Variants in ADAMTS2 observed in about 807,000 individuals in gnomAD.
The protein encoded by ADAMTS2 is A disintegrin and metalloproteinase with thrombospondin motifs 2.
In ADAMTS2, 50 loss-of-function variants were observed where a neutral mutation model predicts 123.0. The observed-to-expected ratio is 0.41, with a 90% CI of 0.32 to 0.51. The LOEUF (loss-of-function observed/expected upper bound fraction) is 0.51, where lower values mean the gene tolerates loss of function less well. Among genes scored for constraint, ADAMTS2 ranks in the 20% least tolerant of loss-of-function variants. The pLI, the probability that ADAMTS2 is intolerant of heterozygous loss-of-function variation, is 0.35. For synonymous variants in ADAMTS2, 678 were observed against 695.4 expected, an observed-to-expected ratio of 0.98 and a Z score of 0.39; for missense variants, 1,494 against 1,705.2, an observed-to-expected ratio of 0.88 and a Z score of 2.18.
intron 3 of ADAMTS2, among the ~76,000 whole-genome samples, chr5:179,246,219 A>C (rs1765799394): frequency 6.6e-6 from 1 of 152,174 alleles, no homozygotes; most frequent in Non-Finnish European, 1.5e-5. Flanking sequence ...CAAGGAGCTC[A>C]ATGACTCCCA....
chr5:179,223,357 C>G (rs1169878316), intron 3 of ADAMTS2, among the ~76,000 whole-genome samples: 1 of 124,510 alleles, frequency 8.0e-6, no homozygotes, highest in East Asian at 2.0e-4. Context: ...CACGAATGCA[C>G]TCAGACACTC....
intron 2 of ADAMTS2, among the ~76,000 whole-genome samples, chr5:179,329,803 G>T (rs1273562585): frequency 6.6e-6 from 1 of 152,206 alleles, no homozygotes; most frequent in East Asian, 1.9e-4. Context: ...GAGGAGGAAA[G>T]TTGGGGGCCG....
chr5:179,203,331 G>A lies in ADAMTS2; in HGVS notation c.891+4182C>T, dbSNP rs114665744. Among the ~76,000 whole-genome samples the A allele has an allele frequency of 4.0e-3, 605 of 152,324 alleles. 2 individuals are homozygous for A. Among genetic ancestry groups the A allele is most frequent in the African/African-American group, 0.013 (546 of 41,574 alleles). On this transcript the variant is annotated intron_variant, in intron 4 of 21. Transcript: ENST00000251582. ...CCAGACCCCGGGCTCTGGATGTGCC[G>A]TTGCCCAGCCCCACCTGCTCTACAG...
In ADAMTS2 at chr5:179,343,962, G is replaced by A. The variant is rs143877087; in HGVS notation, c.339C>T (p.Val113=). 2.9e-5 allele frequency: 47 copies of A among 1,612,240 alleles called. No homozygotes were observed. Among genetic ancestry groups the A allele is most frequent in the Non-Finnish European group, 3.4e-5 (40 of 1,179,776 alleles). ...EEPGSHLFYN[V]TVFGRDLHLR... ...GGTGCAGGTCTCGGCCAAAGACCGT[G>A]ACATTGTAGAAGAGGTGACTGCCAG... Residue 113 remains valine, a synonymous_variant, in exon 2 of 22, where the codon GTC becomes GTT. Coordinates refer to ENST00000251582, the MANE Select transcript of ADAMTS2 (RefSeq NM_014244.5).
In ADAMTS2 at chr5:179,250,650, C is replaced by T. The variant is rs73333211; in HGVS notation, c.688+22261G>A. The stretch of plus-strand genomic sequence containing the variant: ...GCCCCAGGCAACCCTCTGTGGGTGA[C>T]GCAGCATTACCTGCTTTCTGGCTGT... On this transcript the variant is annotated intron_variant, in intron 3 of 21. Coordinates refer to ENST00000251582, the MANE Select transcript of ADAMTS2 (RefSeq NM_014244.5). Among the ~76,000 whole-genome samples, 459 of 152,340 alleles carry T rather than the reference C, an allele frequency of 3.0e-3. 2 individuals are homozygous for T. The highest frequency in any genetic ancestry group is 0.011 in the African/African-American group (440 of 41,570).
chr5:179,125,264 G>T, intron 18 of ADAMTS2, 84 bp from the exon 19 acceptor site: 2 of 1,312,498 alleles, frequency 1.5e-6, no homozygotes, highest in Non-Finnish European at 2.2e-6. Context: ...GCTCCCTGCA[G>T]CCCAGGTAGA....
chr5:179,207,323 G>A (rs1764721127), intron 4 of ADAMTS2, among the ~76,000 whole-genome samples, 190 bp downstream of exon 4: 1 of 152,130 alleles, frequency 6.6e-6, no homozygotes, highest in Non-Finnish European at 1.5e-5. Context: ...CGAGAGAACT[G>A]AGGTCAGGGA....
rs1762907013 is a variant in ADAMTS2, at chr5:179,128,831, G to T, written c.2458-713C>A. Reference sequence around the variant, plus strand: ...TGTATTTTCTTCTTAAGACACCACTGCTTCCTGGGCTTAGGAACACTGGAC... The same window carrying T: ...TGTATTTTCTTCTTAAGACACCACTTCTTCCTGGGCTTAGGAACACTGGAC... On this transcript the variant is annotated intron_variant, in intron 16 of 21. Transcript: ENST00000251582. This position sits in a 1 kb window ranked among gnomAD's most constrained non-coding sequence, Gnocchi z 4.9. Among the ~76,000 whole-genome samples, 1 of 152,160 alleles carries T rather than the reference G, an allele frequency of 6.6e-6. No homozygotes were observed. The highest frequency in any genetic ancestry group is 6.5e-5 in the Admixed American group (1 of 15,274).
At chr5:179,306,830 A>G (rs1281129684) in intron 2 of ADAMTS2, among the ~76,000 whole-genome samples, 1 of 152,210 alleles carries the variant, frequency 6.6e-6, no homozygotes, top group Non-Finnish European at 1.5e-5. Flanking sequence ...AAGGACACCC[A>G]GGAAGGAAGC....
chr5:179,167,417 A>G (rs1169405266), intron 5 of ADAMTS2, among the ~76,000 whole-genome samples: 1 of 152,144 alleles, frequency 6.6e-6, no homozygotes, highest in Non-Finnish European at 1.5e-5. Flanking sequence ...TACATCAATT[A>G]TGACCTGAGC....
Position 179,343,959 on chromosome 5 carries a change from C to G in ADAMTS2, c.342G>C (p.Thr114=). 1 of 1,612,252 alleles carries G rather than the reference C, an allele frequency of 6.2e-7. No individual in the cohort carries two copies. Among genetic ancestry groups the G allele is most frequent in the East Asian group, 2.2e-5 (1 of 44,818 alleles). The change falls in exon 2 of 22, where the codon ACG becomes ACC. Residue 114 remains threonine (T), a synonymous_variant. Coordinates refer to ENST00000251582, the MANE Select transcript of ADAMTS2 (RefSeq NM_014244.5). ...GCAGGTGCAGGTCTCGGCCAAAGACCGTGACATTGTAGAAGAGGTGACTGC... is the reference window on the plus strand; with the variant it reads ...GCAGGTGCAGGTCTCGGCCAAAGACGGTGACATTGTAGAAGAGGTGACTGC... The part of the protein sequence containing the change: ...EPGSHLFYNV[T]VFGRDLHLRL...
chr5:179,148,196 C>T (rs932317360), intron 10 of ADAMTS2, among the ~76,000 whole-genome samples: 4 of 152,110 alleles, frequency 2.6e-5, no homozygotes, highest in Non-Finnish European at 2.9e-5. Context: ...GAACAGACCG[C>T]ACTCCCTTCC....
chr5:179,252,009 C>CTTTTTTTTTTT (rs200457965), intron 3 of ADAMTS2, among the ~76,000 whole-genome samples: 4 of 135,772 alleles, frequency 2.9e-5, no homozygotes, highest in Non-Finnish European at 4.8e-5. Flanking sequence ...TTTTTCTTTT[C>CTTTTTTTTTTT]TTTTTTTTTT....
rs765717511 is a variant in ADAMTS2 at position 179,154,931 on chromosome 5, C to T, written c.1133-12G>A. ...GACAGGAGCATAGCCTGGGAGGAGA[C>T]AAGAGGCGGCTCCAGATGCTGCCAT... On this transcript the variant is annotated splice_polypyrimidine_tract_variant and intron_variant, in intron 6 of 21. Transcript: ENST00000251582. The T allele has an allele frequency of 2.5e-6, 4 of 1,609,622 alleles. No individual in the cohort carries two copies. The highest frequency in any genetic ancestry group is 2.7e-5 in the African/African-American group (2 of 74,858).
At position 179,118,374 on chromosome 5, in the gene ADAMTS2, T is replaced by G. The variant is rs1241002281; in HGVS notation, c.3178+3287A>C. ...GATGCCTCTCCGCCAAGATGAACAC[T>G]GTGGTTTTACAATATTTGGTCTTCG... On this transcript the variant is annotated intron_variant, in intron 21 of 21. Transcript: ENST00000251582. The surrounding 1 kb of genome is among the most constrained non-coding windows in gnomAD (Gnocchi z 4.5). Among the ~76,000 whole-genome samples the G allele has an allele frequency of 6.6e-6, 1 of 152,028 alleles. No individual in the cohort carries two copies. Among genetic ancestry groups the G allele is most frequent in the African/African-American group, 2.4e-5 (1 of 41,388 alleles).
At chr5:179,167,676 A>T (rs529591816) in intron 5 of ADAMTS2, among the ~76,000 whole-genome samples, 38 of 152,280 alleles carry the variant, frequency 2.5e-4, no homozygotes, top group African/African-American at 7.5e-4. Flanking sequence ...AGTCCACTGC[A>T]GGTGGCAGGT....
At chr5:179,190,137 C>T (rs1320794594) in intron 4 of ADAMTS2, among the ~76,000 whole-genome samples, 1 of 152,146 alleles carries the variant, frequency 6.6e-6, no homozygotes, top group Non-Finnish European at 1.5e-5. Context: ...AGCTTGGGCT[C>T]AGAGGCCTGA....
Position 179,132,690 on chromosome 5 carries a change from C to A in ADAMTS2, c.2209+87G>T. The A allele has an allele frequency of 6.3e-7, 1 of 1,585,684 alleles. No homozygotes were observed. The highest frequency in any genetic ancestry group is 8.7e-7 in the Non-Finnish European group (1 of 1,155,790). ...CAGAACAGTCATAAGCCCGGACAGCCCCAGGATGAGTCAGGCCCTCAGCTG... is the reference window on the plus strand; with the variant it reads ...CAGAACAGTCATAAGCCCGGACAGCACCAGGATGAGTCAGGCCCTCAGCTG... On this transcript the variant is annotated intron_variant, in intron 14 of 21. Transcript: ENST00000251582. The surrounding 1 kb of genome is among the most constrained non-coding windows in gnomAD (Gnocchi z 6.1).
intron 12 of ADAMTS2, among the ~76,000 whole-genome samples, chr5:179,136,329 C>T (rs1763066494): frequency 6.6e-6 from 1 of 152,172 alleles, no homozygotes; most frequent in South Asian, 2.1e-4. Context: ...CGCTTGGAGA[C>T]CTCCGAGGCT....
Sources: gnomAD v4.1 joint callset for allele counts (sites outside exome capture counted in the v4.1 genomes callset) on GRCh38, gnomAD v4.1.1 for gene constraint, Gnocchi (gnomAD v3.1) non-coding constraint, MANE v1.5 for transcripts, NCBI Gene and HGNC (gene_info 2026-07-23, HGNC 2026-07-21) for gene names.